The following RIN2 variants were observed in gnomAD, a reference collection of about 807,000 sequenced individuals.
The protein encoded by RIN2 is RAB5 interacting protein 2.
A neutral mutation model predicts 78.0 loss-of-function variants in RIN2; 36 were observed. The observed-to-expected ratio is 0.46, with a 90% CI of 0.35 to 0.61. The LOEUF is 0.61. RIN2 is among the 20% of genes least tolerant of loss of function. RIN2 has a pLI of 0.00. For missense variants in RIN2, 1,087 were observed against 1,159.7 expected (o/e 0.94, Z 0.91); for synonymous variants, 466 against 466.8 (o/e 1.00, Z 0.02).
intron 2 of RIN2, among the ~76,000 whole-genome samples, chr20:19,833,836 G>A (rs1054994677): frequency 3.9e-5 from 6 of 152,114 alleles, no homozygotes; most frequent in African/African-American, 1.2e-4. Context: ...CAGTCCCCTC[G>A]CCCCAGTGCA....
At chr20:19,816,842 T>C (rs989773887) in intron 2 of RIN2, among the ~76,000 whole-genome samples, 3 of 152,130 alleles carry the variant, frequency 2.0e-5, no homozygotes, top group African/African-American at 7.2e-5. Context: ...TTTAGAAAAT[T>C]TGCAAATTTC....
intron 3 of RIN2, among the ~76,000 whole-genome samples, chr20:19,893,162 A>T (rs2038560563): frequency 6.6e-6 from 1 of 152,218 alleles, no homozygotes; most frequent in South Asian, 2.1e-4. Context: ...ATCTTTCCCA[A>T]GGAAGCGGAC....
At chr20:19,948,078 T>C (rs939306140) in intron 4 of RIN2, among the ~76,000 whole-genome samples, 1 of 152,202 alleles carries the variant, frequency 6.6e-6, no homozygotes, top group Admixed American at 6.5e-5. Flanking sequence ...ATGACTCATG[T>C]AAGTAGAAGC....
At chr20:19,769,264 GC>G (rs2034022065) in intron 1 of RIN2, among the ~76,000 whole-genome samples, 1 of 152,138 alleles carries the variant, frequency 6.6e-6, no homozygotes, top group Admixed American at 6.6e-5. Flanking sequence ...ATTATTATTG[GC>G]TCTGAGTTCC....
chr20:19,931,344 T>G (rs2040431770), intron 3 of RIN2, among the ~76,000 whole-genome samples: 1 of 152,234 alleles, frequency 6.6e-6, no homozygotes, highest in Non-Finnish European at 1.5e-5. Context: ...TCTCACTATG[T>G]TGTCCAGGCT....
chr20:19,872,637 A>G (rs377582789), intron 2 of RIN2, among the ~76,000 whole-genome samples: 23 of 152,216 alleles, frequency 1.5e-4, no homozygotes, highest in African/African-American at 4.3e-4. Flanking sequence ...CACTCACCCC[A>G]CATCATCTGC....
At chr20:19,883,670 A>T (rs907555158) in intron 2 of RIN2, among the ~76,000 whole-genome samples, 2 of 152,132 alleles carry the variant, frequency 1.3e-5, no homozygotes, top group Non-Finnish European at 1.5e-5. Context: ...TAACCAGCAG[A>T]GGAGCCCACC....
rs139642869 is a variant in RIN2 at position 19,842,387 on chromosome 20, C to CTT, written c.-37+42665_-37+42666dup. ...TACAGGCACTCACCACCATCCCTGG[C>CTT]TTTTTTTTTTTTTTTTTTTTTTTTT... On this transcript the variant is annotated intron_variant, in intron 2 of 12. Coordinates refer to ENST00000255006, the MANE Select transcript of RIN2 (RefSeq NM_018993.4). 9.7e-3 allele frequency among the ~76,000 whole-genome samples: 447 copies of CTT among 46,146 alleles called. 83 individuals carry two copies. The highest frequency in any genetic ancestry group is 0.023 in the African/African-American group (326 of 13,902). 30.3% of individuals were successfully genotyped at this position (46,146 alleles called of 152,430 possible).
intron 2 of RIN2, among the ~76,000 whole-genome samples, chr20:19,858,356 C>A (rs754432205): frequency 1.9e-4 from 29 of 152,164 alleles, no homozygotes; most frequent in African/African-American, 7.2e-5. Context: ...TAGATTGAAG[C>A]AGGAAGAGGC....
chr20:19,836,976 C>T lies in RIN2; in HGVS notation c.-37+37229C>T, dbSNP rs1032316825. ...AGATATTGAAAGAGCCTCATCCTGG[C>T]CACTGCGCCATTGTATTAACTACCA... On this transcript the variant is annotated intron_variant, in intron 2 of 12. Coordinates refer to ENST00000255006, the MANE Select transcript of RIN2 (RefSeq NM_018993.4). 4.6e-5 allele frequency among the ~76,000 whole-genome samples: 7 copies of T among 152,100 alleles called. No individual in the cohort carries two copies. The East Asian group carries it at 1.3e-3, about 29-fold the overall frequency.
At chr20:19,995,431 G>C (rs1270233140) in intron 11 of RIN2, among the ~76,000 whole-genome samples, 1 of 152,080 alleles carries the variant, frequency 6.6e-6, no homozygotes, top group African/African-American at 2.4e-5. Flanking sequence ...TGCCCAATTA[G>C]GGAATTTTTA....
At position 19,787,586 on chromosome 20, in the gene RIN2, C is replaced by T. The variant is rs1757377037; in HGVS notation, c.-162-12036C>T. The stretch of plus-strand genomic sequence containing the variant: ...CCCTCACTTACTGGCTGTGTGACCA[C>T]AGGCAAGTAAATTTATCTCTCATGC... On this transcript the variant is annotated intron_variant, in intron 1 of 12. Coordinates refer to ENST00000255006, the MANE Select transcript of RIN2 (RefSeq NM_018993.4). Among the ~76,000 whole-genome samples, 3 of 152,218 alleles carry T rather than the reference C, an allele frequency of 2.0e-5. No individual in the cohort carries two copies. The South Asian group carries it at 6.2e-4, about 32-fold the overall frequency.
intron 1 of RIN2, among the ~76,000 whole-genome samples, chr20:19,767,975 G>A (rs528231134): frequency 2.6e-5 from 4 of 151,818 alleles, no homozygotes; most frequent in Admixed American, 2.6e-4. Flanking sequence ...GGAGAGAGAC[G>A]GAGGATGTGA....
At chr20:19,800,980 C>A (rs905863335) in intron 2 of RIN2, among the ~76,000 whole-genome samples, 2 of 152,230 alleles carry the variant, frequency 1.3e-5, no homozygotes, top group Non-Finnish European at 2.9e-5. Context: ...ACTACACATT[C>A]TTTCTGGGCT....
intron 2 of RIN2, among the ~76,000 whole-genome samples, chr20:19,826,995 GAC>G (rs1389456128): frequency 5.3e-5 from 6 of 113,356 alleles, no homozygotes; most frequent in African/African-American, 2.3e-4. Flanking sequence ...TTTTTTTTGA[GAC>G]AGAGTTTCGC....
At chr20:19,945,174 G>T (rs186419170) in intron 4 of RIN2, among the ~76,000 whole-genome samples, 1 of 152,330 alleles carries the variant, frequency 6.6e-6, no homozygotes, top group East Asian at 1.9e-4. Context: ...CAGTGATGAA[G>T]GGGCAGTGCT....
chr20:19,981,301 A>G (rs2042445954), intron 9 of RIN2, among the ~76,000 whole-genome samples: 1 of 152,136 alleles, frequency 6.6e-6, no homozygotes, highest in Admixed American at 6.5e-5. Context: ...ATCACACCAG[A>G]GGGTACTGCT....
At chr20:19,791,293 TG>T (rs1352196210) in intron 1 of RIN2, among the ~76,000 whole-genome samples, 1 of 152,086 alleles carries the variant, frequency 6.6e-6, no homozygotes, top group Non-Finnish European at 1.5e-5. Context: ...TCCAAAAAAG[TG>T]AATGAATTTA....
At chr20:19,856,866 T>C (rs1247584969) in intron 2 of RIN2, among the ~76,000 whole-genome samples, 1 of 152,156 alleles carries the variant, frequency 6.6e-6, no homozygotes, top group Non-Finnish European at 1.5e-5. Context: ...ACGTGGCCAG[T>C]AGTAAAGAAA....
Sources: allele counts gnomAD v4.1 joint callset (sites outside exome capture counted in the v4.1 genomes callset), GRCh38; gene constraint gnomAD v4.1.1; transcripts MANE v1.5; gene names NCBI Gene and HGNC (gene_info 2026-07-23, HGNC 2026-07-21).